Variants in AP2B1 observed in about 807,000 individuals in gnomAD.
AP2B1 encodes adaptor related protein complex 2 subunit beta 1, also known as AP-2 complex subunit beta.
In AP2B1, 23 loss-of-function variants were observed where a neutral mutation model predicts 102.0. The observed-to-expected ratio is 0.23, with a 90% CI of 0.16 to 0.32. The LOEUF is 0.32. AP2B1 is among the 10% of genes least tolerant of loss of function. The probability of loss-of-function intolerance (pLI) is 1.00; values close to 1 mark genes in which losing one functional copy is unlikely to be tolerated. For missense variants in AP2B1, 541 were observed against 1,157.4 expected (o/e 0.47, Z 7.73); for synonymous variants, 381 against 421.2 (o/e 0.90, Z 1.17).
chr17:35,717,501 C>A, intron 21 of AP2B1, 152 bp downstream of exon 21: 1 of 832,074 alleles, frequency 1.2e-6, no homozygotes, highest in Non-Finnish European at 1.9e-6. Flanking sequence ...CCATTTGCCT[C>A]AATGGAAGAC....
At chr17:35,690,702 A>C (rs780476549) in intron 18 of AP2B1, among the ~76,000 whole-genome samples, 1 of 152,148 alleles carries the variant, frequency 6.6e-6, no homozygotes, top group Non-Finnish European at 1.5e-5. Context: ...CTGTGGTGGT[A>C]TTGCTAATCC....
rs144303746 is a variant in AP2B1 at position 35,635,040 on chromosome 17, C to A, written c.1156-1301C>A. Among the ~76,000 whole-genome samples the A allele has an allele frequency of 1.3e-5, 2 of 150,206 alleles. 1 individual carries two copies. The highest frequency in any genetic ancestry group is 4.2e-4 in the South Asian group (2 of 4,810). ...GTCACTCTACTTCTCTGCCATACTGCTGTAATGGTAGGTTTTTTTGGTGGG... is the reference window on the plus strand; with the variant it reads ...GTCACTCTACTTCTCTGCCATACTGATGTAATGGTAGGTTTTTTTGGTGGG... On this transcript the variant is annotated intron_variant, in intron 9 of 21. Coordinates refer to ENST00000610402, the MANE Select transcript of AP2B1 (RefSeq NM_001030006.2).
chr17:35,723,694 A>C lies in AP2B1; in HGVS notation c.2851A>C (p.Asn951His). Residue 951 changes from asparagine (N) to histidine (H), a missense_variant, in exon 22 of 22, where the codon AAC becomes CAC. Transcript: ENST00000610402. ...IYQVYDSILK[N>H] ...TCAGGTCTACGACAGCATTTTGAAA[A>C]ACTAACAAGACTGGTCCAGTACCCT... 6.2e-7 allele frequency: 1 copy of C among 1,607,194 alleles called. No homozygotes were observed. The highest frequency in any genetic ancestry group is 1.3e-5 in the African/African-American group (1 of 74,858).
intron 3 of AP2B1, among the ~76,000 whole-genome samples, chr17:35,599,344 A>G (rs2142339226): frequency 6.6e-6 from 1 of 152,354 alleles, no homozygotes; most frequent in East Asian, 1.9e-4. Context: ...CTGTCACTTC[A>G]AGGGAAAAAA....
intron 14 of AP2B1, among the ~76,000 whole-genome samples, chr17:35,660,485 T>A (rs868832087): frequency 6.7e-6 from 1 of 148,452 alleles, no homozygotes; most frequent in African/African-American, 2.5e-5. Context: ...CTCTCTCTTT[T>A]TTTTTTTTTT....
chr17:35,643,409 T>C (rs1241415369), intron 12 of AP2B1, among the ~76,000 whole-genome samples: 2 of 152,208 alleles, frequency 1.3e-5, no homozygotes, highest in African/African-American at 2.4e-5. Context: ...GTTTCCTCTG[T>C]TTTCACAAGT....
intron 14 of AP2B1, 122 bp from the exon 15 acceptor site, chr17:35,670,735 C>G: frequency 2.0e-6 from 2 of 977,698 alleles, no homozygotes; most frequent in African/African-American, 3.2e-5. Context: ...CTTTGGGAGA[C>G]AAGTTGAATG....
At chr17:35,650,885 T>A (rs2075069917) in intron 13 of AP2B1, 96 bp downstream of exon 13, 1 of 1,422,220 alleles carries the variant, frequency 7.0e-7, no homozygotes, top group Non-Finnish European at 9.6e-7. Context: ...AGAACTGCTG[T>A]ACATTTTTGC....
intron 11 of AP2B1, among the ~76,000 whole-genome samples, chr17:35,640,648 G>A (rs531241033): frequency 2.8e-4 from 42 of 152,202 alleles, no homozygotes; most frequent in African/African-American, 9.6e-4. Flanking sequence ...CATGTTGCTG[G>A]GCTTCACCCT....
intron 6 of AP2B1, among the ~76,000 whole-genome samples, chr17:35,626,410 T>G (rs2074317493): frequency 6.6e-6 from 1 of 152,096 alleles, no homozygotes; most frequent in Non-Finnish European, 1.5e-5. Flanking sequence ...TCCTGAAGTC[T>G]TCTTATGTCC....
intron 21 of AP2B1, among the ~76,000 whole-genome samples, chr17:35,718,430 C>T (rs1022384873): frequency 2.6e-5 from 4 of 151,842 alleles, no homozygotes; most frequent in African/African-American, 9.7e-5. Context: ...AGGCTTCCCT[C>T]ATAAAATGTA....
intron 18 of AP2B1, among the ~76,000 whole-genome samples, chr17:35,694,998 G>A (rs587713548): frequency 9.9e-5 from 15 of 152,010 alleles, no homozygotes; most frequent in South Asian, 4.1e-4. Context: ...AACAATATTC[G>A]AAGATGAGAC....
chr17:35,589,965 G>A (rs1345990984), intron 1 of AP2B1, among the ~76,000 whole-genome samples: 2 of 120,638 alleles, frequency 1.7e-5, no homozygotes, highest in African/African-American at 6.6e-5. Flanking sequence ...TCACTCTTTC[G>A]CCCAGGCTGG....
chr17:35,715,186 C>T (rs2076528914), intron 20 of AP2B1, among the ~76,000 whole-genome samples: 2 of 152,234 alleles, frequency 1.3e-5, no homozygotes, highest in Non-Finnish European at 2.9e-5. Flanking sequence ...TCATTAGGAA[C>T]AGAGTCAGGT....
intron 18 of AP2B1, among the ~76,000 whole-genome samples, chr17:35,708,094 G>A (rs148970161): frequency 1.3e-5 from 2 of 152,344 alleles, no homozygotes; most frequent in Non-Finnish European, 2.9e-5. Flanking sequence ...TAAGAGGTCA[G>A]TATGCTGTTG....
At chr17:35,611,305 G>A (rs944382851) in intron 5 of AP2B1, among the ~76,000 whole-genome samples, 1 of 152,154 alleles carries the variant, frequency 6.6e-6, no homozygotes, top group African/African-American at 2.4e-5. Context: ...ATATTCAGTG[G>A]TGCTAAGAAT....
At chr17:35,674,097 T>C in intron 16 of AP2B1, 79 bp from the exon 17 acceptor site, 1 of 1,402,148 alleles carries the variant, frequency 7.1e-7, no homozygotes, top group Non-Finnish European at 9.8e-7. Context: ...TAATCTTAAT[T>C]TGTTTTTTAT....
At chr17:35,723,459 G>C (rs1555593881) in intron 21 of AP2B1, among the ~76,000 whole-genome samples, 166 bp from the exon 22 acceptor site, 1 of 152,190 alleles carries the variant, frequency 6.6e-6, no homozygotes, top group Admixed American at 6.5e-5. Context: ...AAATTGAAAT[G>C]CTAAAACCCA....
chr17:35,635,460 C>A lies in AP2B1; in HGVS notation c.1156-881C>A, dbSNP rs144373224. ...AGTGCAGTGGTGTGATCTCGGCTAA[C>A]TACAACCTCTGCCTCCTGGATTCAA... On this transcript the variant is annotated intron_variant, in intron 9 of 21. Transcript: ENST00000610402. Among the ~76,000 whole-genome samples, 35 of 151,964 alleles carry A rather than the reference C, an allele frequency of 2.3e-4. No homozygotes were observed. The South Asian group carries it at 3.9e-3, about 17-fold the overall frequency.
Sources: gnomAD v4.1 joint callset for allele counts (sites outside exome capture counted in the v4.1 genomes callset) on GRCh38, gnomAD v4.1.1 for gene constraint, MANE v1.5 for transcripts, NCBI Gene and HGNC (gene_info 2026-07-23, HGNC 2026-07-21) for gene names.